DARS2: variants seen among roughly 807,000 people sequenced by gnomAD.
The protein encoded by DARS2 is aspartyl-tRNA synthetase 2, mitochondrial.
DARS2 carries 63 observed loss-of-function variants against 83.0 expected under a neutral mutation model. The ratio of observed to expected loss-of-function variants is 0.76; its 90% CI spans 0.62 to 0.94. The LOEUF (loss-of-function observed/expected upper bound fraction) is 0.94. Among genes scored for constraint, DARS2 ranks in the 40% least tolerant of loss-of-function variants. The pLI is 0.00. For synonymous variants in DARS2, 250 were observed against 269.3 expected (o/e 0.93, Z 0.70); for missense variants, 675 against 774.4 (o/e 0.87, Z 1.52).
intron 13 of DARS2, among the ~76,000 whole-genome samples, chr1:173,850,953 G>A (rs1653638687): frequency 6.6e-6 from 1 of 151,930 alleles, no homozygotes; most frequent in Non-Finnish European, 1.5e-5. Context: ...AAACTTAAGG[G>A]TTGGCCGGGC....
rs758312510 is a variant in DARS2, at chr1:173,830,651, G to T, written c.295-9G>T. The T allele has an allele frequency of 2.4e-5, 39 of 1,609,454 alleles. No homozygotes were observed. Among genetic ancestry groups the T allele is most frequent in the Non-Finnish European group, 3.3e-5 (39 of 1,175,952 alleles). ...GTTTCTCAGAACTCTTTTCCCCCTT[G>T]TTCTGTAGTCGGCAGCCTCTGTGAA... On this transcript the variant is annotated splice_polypyrimidine_tract_variant and intron_variant, in intron 3 of 16. Coordinates refer to ENST00000649689, the MANE Select transcript of DARS2 (RefSeq NM_018122.5).
At chr1:173,825,494 A>T in intron 1 of DARS2, 138 bp downstream of exon 1, 1 of 499,216 alleles carries the variant, frequency 2.0e-6, no homozygotes, top group East Asian at 7.4e-5. Context: ...TTTGAGACGG[A>T]GTCTCGCTCT....
chr1:173,843,502 G>A (rs1169285113), intron 11 of DARS2, among the ~76,000 whole-genome samples: 1 of 152,126 alleles, frequency 6.6e-6, no homozygotes, highest in Non-Finnish European at 1.5e-5. Flanking sequence ...GGAGGTTGCC[G>A]TGATCTGAGA....
Position 173,824,889 on chromosome 1 carries a change from T to G in DARS2, c.-341T>G. 1 of 351,888 alleles carries G rather than the reference T, an allele frequency of 2.8e-6. No homozygotes were observed. Among genetic ancestry groups the G allele is most frequent in the South Asian group, 2.2e-5 (1 of 44,776 alleles). 21.8% of individuals were successfully genotyped at this position (351,888 alleles called of 1,614,324 possible). ...AGGGCGTATACCTTGTGACCGCCTC[T>G]GGTTGTCTTGGGCTCGCGCCTGGCG... is the stretch of plus-strand genomic sequence containing the variant. On this transcript the variant is annotated 5_prime_UTR_variant, in exon 1 of 17. Transcript: ENST00000649689.
intron 13 of DARS2, among the ~76,000 whole-genome samples, chr1:173,852,750 G>T (rs529913226): frequency 1.3e-5 from 2 of 151,994 alleles, no homozygotes; most frequent in Non-Finnish European, 2.9e-5. Context: ...TGATCCGCCC[G>T]CCTCGGCCTC....
rs1178547914 is a variant in DARS2, at chr1:173,842,284, C to CTTTTTTTTTTTT, written c.1128+1333_1128+1344dup. Among the ~76,000 whole-genome samples, 93 of 64,256 alleles carry CTTTTTTTTTTTT rather than the reference C, an allele frequency of 1.4e-3. 22 individuals are homozygous for CTTTTTTTTTTTT. Among genetic ancestry groups the CTTTTTTTTTTTT allele is most frequent in the Admixed American group, 3.6e-3 (14 of 3,894 alleles). 42.2% of individuals were successfully genotyped at this position (64,256 alleles called of 152,430 possible). ...CTCAGGAACTCAGTCTCATTACTTT[C>CTTTTTTTTTTTT]TTTTTTTTTTTTTTTTTTTTTTTTT... On this transcript the variant is annotated intron_variant, in intron 11 of 16. Coordinates refer to ENST00000649689, the MANE Select transcript of DARS2 (RefSeq NM_018122.5).
intron 9 of DARS2, among the ~76,000 whole-genome samples, chr1:173,838,783 T>C (rs922616845): frequency 1.3e-5 from 2 of 152,192 alleles, no homozygotes; most frequent in African/African-American, 2.4e-5. Context: ...TCTCCCAGGC[T>C]GGAGTGCAGT....
At chr1:173,842,927 A>G (rs764723667) in intron 11 of DARS2, among the ~76,000 whole-genome samples, 27 of 146,042 alleles carry the variant, frequency 1.8e-4, no homozygotes, top group Non-Finnish European at 3.9e-4. Flanking sequence ...CAACAGAGCA[A>G]CACTCCATCT....
chr1:173,848,157 T>A (rs1341627114), intron 12 of DARS2, among the ~76,000 whole-genome samples: 1 of 152,142 alleles, frequency 6.6e-6, no homozygotes, highest in Non-Finnish European at 1.5e-5. Flanking sequence ...CCGGCCCTTT[T>A]CTTCATTCTT....
chr1:173,849,003 AT>A (rs1171404228), intron 12 of DARS2, among the ~76,000 whole-genome samples: 2 of 150,552 alleles, frequency 1.3e-5, no homozygotes, highest in Non-Finnish European at 1.5e-5. Context: ...CTTCTGTTGA[AT>A]TTTTTTTTAT....
chr1:173,845,933 G>T (rs372738698), intron 12 of DARS2, among the ~76,000 whole-genome samples: 240 of 152,272 alleles, frequency 1.6e-3, no homozygotes, highest in Middle Eastern at 0.01. Flanking sequence ...CAAGACAGGC[G>T]GATCACGAAG....
intron 6 of DARS2, among the ~76,000 whole-genome samples, 183 bp downstream of exon 6, chr1:173,833,682 A>G (rs933786715): frequency 2.0e-5 from 3 of 152,248 alleles, no homozygotes; most frequent in African/African-American, 7.2e-5. Flanking sequence ...TAAAGATGAT[A>G]GTCGCTATTA....
intron 6 of DARS2, among the ~76,000 whole-genome samples, chr1:173,833,962 A>G (rs1652886581): frequency 6.6e-6 from 1 of 152,000 alleles, no homozygotes; most frequent in South Asian, 2.1e-4. Flanking sequence ...GGGTCTCATT[A>G]TGTTGCCCAG....
intron 13 of DARS2, 106 bp from the exon 14 acceptor site, chr1:173,853,243 G>T: frequency 9.3e-7 from 1 of 1,076,570 alleles, no homozygotes; most frequent in Non-Finnish European, 1.4e-6. Flanking sequence ...TCTGTTAATT[G>T]GCTAATCCTT....
intron 7 of DARS2, among the ~76,000 whole-genome samples, chr1:173,836,088 C>T (rs974819475): frequency 1.3e-5 from 2 of 151,476 alleles, no homozygotes; most frequent in Non-Finnish European, 2.9e-5. Context: ...GGTGCAGTGG[C>T]GGGAACCCAT....
chr1:173,840,993 A>G lies in DARS2; in HGVS notation c.1128+20A>G, dbSNP rs755366778. 6 of 1,364,568 alleles carry G rather than the reference A, an allele frequency of 4.4e-6. No individual in the cohort carries two copies. The highest frequency in any genetic ancestry group is 2.9e-5 in the African/African-American group (2 of 69,936). The allele number at this position is 1,364,568 out of a possible 1,614,324, so 84.5% of individuals were successfully genotyped here. On this transcript the variant is annotated intron_variant, in intron 11 of 16. Coordinates refer to ENST00000649689, the MANE Select transcript of DARS2 (RefSeq NM_018122.5). Reference sequence around the variant, plus strand: ...GGAGCAGTAAGTGAAGTACAGTTCTATGTTTCTCTAGAATGTATGCTTTGG... The same window carrying G: ...GGAGCAGTAAGTGAAGTACAGTTCTGTGTTTCTCTAGAATGTATGCTTTGG...
chr1:173,853,611 A>G, intron 14 of DARS2, 44 bp downstream of exon 14: 3 of 1,606,816 alleles, frequency 1.9e-6, no homozygotes, highest in Admixed American at 1.7e-5. Context: ...TGTGTATATA[A>G]AGGCAAAGAA....
intron 8 of DARS2, 109 bp downstream of exon 8, chr1:173,837,155 TGA>T: frequency 2.9e-6 from 3 of 1,036,906 alleles, no homozygotes; most frequent in Non-Finnish European, 4.5e-6. Flanking sequence ...AGAAAATTTA[TGA>T]GAGTTTGGAG....
chr1:173,857,106 CT>C (rs979316121), intron 16 of DARS2, among the ~76,000 whole-genome samples: 8 of 152,104 alleles, frequency 5.3e-5, no homozygotes, highest in African/African-American at 1.9e-4. Context: ...GCCATGGTTA[CT>C]CACTTTGCTT....
Sources: gnomAD v4.1 joint callset for allele counts (sites outside exome capture counted in the v4.1 genomes callset) on GRCh38, gnomAD v4.1.1 for gene constraint, MANE v1.5 for transcripts, NCBI Gene and HGNC (gene_info 2026-07-23, HGNC 2026-07-21) for gene names.